Variants in LDLRAD3 observed in about 807,000 individuals in gnomAD.
LDLRAD3 encodes low-density lipoprotein receptor class A domain-containing protein 3.
In LDLRAD3, 20 loss-of-function variants were observed where a neutral mutation model predicts 29.4. The observed-to-expected ratio is 0.68, with a 90% confidence interval of 0.48 to 0.99. LDLRAD3 has a LOEUF of 0.99. Among genes scored for constraint, LDLRAD3 ranks in the 50% least tolerant of loss-of-function variants. LDLRAD3 has a pLI of 0.00. For synonymous variants in LDLRAD3, 157 were observed against 192.7 expected (o/e 0.81, Z 1.53); for missense variants, 420 against 454.3 (o/e 0.92, Z 0.69).
chr11:36,158,310 CA>C (rs1486306250), intron 4 of LDLRAD3, among the ~76,000 whole-genome samples: 1 of 152,116 alleles, frequency 6.6e-6, no homozygotes, highest in Non-Finnish European at 1.5e-5. Context: ...TGCTCTTCCT[CA>C]AATGCACCAA....
At chr11:36,175,143 A>T (rs1854657467) in intron 4 of LDLRAD3, among the ~76,000 whole-genome samples, 2 of 152,182 alleles carry the variant, frequency 1.3e-5, no homozygotes, top group Admixed American at 1.3e-4. Flanking sequence ...TTCCTCAAGG[A>T]TCTAGAACTA....
chr11:36,053,679 A>T (rs932262809), intron 2 of LDLRAD3, among the ~76,000 whole-genome samples: 6 of 152,278 alleles, frequency 3.9e-5, no homozygotes, highest in East Asian at 3.9e-4. Context: ...TCTTCCCGTG[A>T]CCCCAGAAGA....
chr11:35,976,079 G>T (rs1481322298), intron 1 of LDLRAD3, among the ~76,000 whole-genome samples: 1 of 152,002 alleles, frequency 6.6e-6, no homozygotes, highest in Non-Finnish European at 1.5e-5. Context: ...ATTTTCCTAG[G>T]AGTGTAGGGT....
chr11:35,999,677 G>A (rs866496139), intron 1 of LDLRAD3, among the ~76,000 whole-genome samples: 1 of 152,222 alleles, frequency 6.6e-6, no homozygotes, highest in African/African-American at 2.4e-5. Context: ...AAGACCCAAA[G>A]GGAGGGGTGT....
intron 4 of LDLRAD3, among the ~76,000 whole-genome samples, chr11:36,140,771 G>A (rs1854070208): frequency 6.6e-6 from 1 of 152,110 alleles, no homozygotes; most frequent in Non-Finnish European, 1.5e-5. Flanking sequence ...ATTTATCATA[G>A]ATAGAAATGT....
At chr11:36,007,835 T>C (rs1383047610) in intron 1 of LDLRAD3, among the ~76,000 whole-genome samples, 2 of 152,186 alleles carry the variant, frequency 1.3e-5, no homozygotes, top group Non-Finnish European at 2.9e-5. Flanking sequence ...CAGGCTGCAA[T>C]GTAAGCTTGT....
chr11:35,970,343 C>T (rs1851396895), intron 1 of LDLRAD3, among the ~76,000 whole-genome samples: 1 of 55,768 alleles, frequency 1.8e-5, no homozygotes, highest in African/African-American at 6.3e-5. Flanking sequence ...CACAGACACT[C>T]ACAGAGGGAA....
At chr11:36,119,044 G>A (rs1225380142) in intron 4 of LDLRAD3, among the ~76,000 whole-genome samples, 1 of 151,672 alleles carries the variant, frequency 6.6e-6, no homozygotes, top group African/African-American at 2.4e-5. Flanking sequence ...CATATTGGAA[G>A]AAGAATTGCC....
chr11:36,129,444 T>A (rs1312353387), intron 4 of LDLRAD3, among the ~76,000 whole-genome samples: 1 of 152,122 alleles, frequency 6.6e-6, no homozygotes, highest in African/African-American at 2.4e-5. Flanking sequence ...ATATGAAAGT[T>A]GAACGAGGAA....
chr11:36,108,319 C>CAA lies in LDLRAD3; in HGVS notation c.454+9886_454+9887dup, dbSNP rs60376519. Among the ~76,000 whole-genome samples, 128 of 48,980 alleles carry CAA rather than the reference C, an allele frequency of 2.6e-3. 10 individuals carry two copies. The highest frequency in any genetic ancestry group is 9.0e-3 in the African/African-American group (111 of 12,334). The allele number at this position is 48,980 out of a possible 152,430, so 32.1% of individuals were successfully genotyped here. ...TGGGTGACAGAGCGAGACTCCATCT[C>CAA]AAAAAAAAAAAAAAAAAAAAAAAAA... On this transcript the variant is annotated intron_variant, in intron 4 of 5. Transcript: ENST00000315571.
chr11:36,008,208 A>G (rs1268596179), intron 1 of LDLRAD3, among the ~76,000 whole-genome samples: 1 of 152,228 alleles, frequency 6.6e-6, no homozygotes, highest in Non-Finnish European at 1.5e-5. Context: ...TTGGGGACGC[A>G]AACCAGGCAG....
At chr11:36,156,214 C>G (rs1411576791) in intron 4 of LDLRAD3, among the ~76,000 whole-genome samples, 2 of 152,190 alleles carry the variant, frequency 1.3e-5, no homozygotes, top group African/African-American at 4.8e-5. Flanking sequence ...AAAAGACCGC[C>G]AGTAGTTGGC....
intron 2 of LDLRAD3, among the ~76,000 whole-genome samples, chr11:36,071,948 C>A (rs917232737): frequency 5.3e-5 from 8 of 152,228 alleles, no homozygotes; most frequent in Admixed American, 1.3e-4. Context: ...CAGAATACTT[C>A]CCCACGTGGT....
intron 3 of LDLRAD3, among the ~76,000 whole-genome samples, chr11:36,093,503 T>C (rs1853314302): frequency 6.6e-6 from 1 of 152,108 alleles, no homozygotes; most frequent in Non-Finnish European, 1.5e-5. Context: ...GGTAACTTCA[T>C]ATTAACGTAA....
At chr11:36,028,967 G>A (rs994664561) in intron 1 of LDLRAD3, among the ~76,000 whole-genome samples, 1 of 152,180 alleles carries the variant, frequency 6.6e-6, no homozygotes, top group Admixed American at 6.5e-5. Context: ...CTGAAGGGCC[G>A]GGCGCAGTGG....
chr11:36,017,773 C>T (rs1258684524), intron 1 of LDLRAD3, among the ~76,000 whole-genome samples: 2 of 152,120 alleles, frequency 1.3e-5, no homozygotes, highest in Non-Finnish European at 2.9e-5. Context: ...GATCCACCCG[C>T]TTGGCCTCCC....
chr11:35,959,265 C>T (rs1363075952), intron 1 of LDLRAD3, among the ~76,000 whole-genome samples: 1 of 152,170 alleles, frequency 6.6e-6, no homozygotes, highest in Admixed American at 6.5e-5. Context: ...TCCTGTTCAC[C>T]CTCTGAAACC....
chr11:35,991,887 G>A (rs888202021), intron 1 of LDLRAD3, among the ~76,000 whole-genome samples: 3 of 151,892 alleles, frequency 2.0e-5, no homozygotes, highest in Non-Finnish European at 4.4e-5. Context: ...GTGTGTGTGT[G>A]TGTGTGTGTG....
At chr11:36,000,751 G>A (rs886129895) in intron 1 of LDLRAD3, among the ~76,000 whole-genome samples, 2 of 152,094 alleles carry the variant, frequency 1.3e-5, no homozygotes, top group East Asian at 1.9e-4. Context: ...GCTGGGGCGC[G>A]TGACATGGAG....
Sources: allele counts gnomAD v4.1 joint callset (sites outside exome capture counted in the v4.1 genomes callset), GRCh38; gene constraint gnomAD v4.1.1; transcripts MANE v1.5; gene names NCBI Gene and HGNC (gene_info 2026-07-23, HGNC 2026-07-21).